The following CFAP47 variants were observed in gnomAD, a reference collection of about 807,000 sequenced individuals.
The protein encoded by CFAP47 is cilia and flagella associated protein 47.
Under a neutral mutation model 148.1 loss-of-function variants are expected in CFAP47, and 29 were observed. That is an observed-to-expected ratio of 0.20 (90% confidence interval 0.15 to 0.27). The LOEUF (loss-of-function observed/expected upper bound fraction) is 0.27. Ranked by LOEUF, CFAP47 falls within the 10% of genes least tolerant of loss-of-function variation. CFAP47 has a pLI of 1.00. For missense variants in CFAP47, 1,872 were observed against 1,697.5 expected, an observed-to-expected ratio of 1.10 and a Z score of -1.81; for synonymous variants, 664 against 577.3, an observed-to-expected ratio of 1.15 and a Z score of -2.15.
intron 40 of CFAP47, among the ~76,000 whole-genome samples, chrX:36,180,501 G>A (rs1435650275): frequency 8.9e-6 from 1 of 112,164 alleles, no homozygotes; most frequent in Non-Finnish European, 1.9e-5. Flanking sequence ...ATCCAAAAAT[G>A]TATCAAGGGG....
chrX:35,936,510 T>G (rs376503478), intron 2 of CFAP47, among the ~76,000 whole-genome samples: 11 of 109,422 alleles, frequency 1.0e-4, no homozygotes, highest in East Asian at 5.8e-4. Flanking sequence ...AGGTTCATCT[T>G]GGTTGACATC....
chrX:36,306,876 G>A lies in CFAP47; in HGVS notation c.8187G>A (p.Gln2729=). The change falls in exon 55 of 64, where the codon CAG becomes CAA. Residue 2729 remains glutamine, a splice_region_variant and synonymous_variant. Transcript: ENST00000378653. ...HQACINFYCT[Q]FTEWKFYLSG... is the part of the protein sequence containing the mutation. ...CTTGCATCAACTTCTACTGTACTCAGGTATGATAGAGTATTCTTGGACCAA... is the reference window on the plus strand; with the variant it reads ...CTTGCATCAACTTCTACTGTACTCAAGTATGATAGAGTATTCTTGGACCAA... 1 of 1,039,232 alleles carries A rather than the reference G, an allele frequency of 9.6e-7. No individual in the cohort carries two copies. The highest frequency in any genetic ancestry group is 1.3e-6 in the Non-Finnish European group (1 of 775,333). The allele number at this position is 1,039,232 out of a possible 1,213,427, so 85.6% of individuals were successfully genotyped here.
chrX:36,114,661 G>A (rs1938609933), intron 33 of CFAP47, among the ~76,000 whole-genome samples: 2 of 111,399 alleles, frequency 1.8e-5, no homozygotes, highest in South Asian at 7.5e-4. Context: ...TCTAACTCTG[G>A]GGAATATGTG....
At chrX:36,253,525 G>C (rs1351021813) in intron 49 of CFAP47, among the ~76,000 whole-genome samples, 2 of 111,487 alleles carry the variant, frequency 1.8e-5, no homozygotes, top group African/African-American at 6.5e-5. Flanking sequence ...TCCTGCTTTT[G>C]CTGGTTAAAG....
intron 50 of CFAP47, among the ~76,000 whole-genome samples, chrX:36,284,886 A>C (rs953154344): frequency 9.0e-6 from 1 of 111,365 alleles, no homozygotes; most frequent in Admixed American, 9.6e-5. Flanking sequence ...AAACAAAAGA[A>C]TATCAAAATG....
chrX:36,028,097 T>A (rs142008049), intron 22 of CFAP47, among the ~76,000 whole-genome samples: 1,841 of 111,557 alleles, frequency 0.017, 35 homozygotes, highest in African/African-American at 0.057. Flanking sequence ...TCCCATTTTG[T>A]ATGTTGTCTG....
At chrX:36,356,267 G>T (rs1941785314) in intron 60 of CFAP47, among the ~76,000 whole-genome samples, 1 of 111,364 alleles carries the variant, frequency 9.0e-6, no homozygotes, top group Middle Eastern at 4.2e-3. Context: ...CTCTAAAACA[G>T]CTTTTGTTTT....
At chrX:36,320,942 G>A (rs1291972633) in intron 57 of CFAP47, among the ~76,000 whole-genome samples, 6 of 110,724 alleles carry the variant, frequency 5.4e-5, no homozygotes, top group Non-Finnish European at 3.8e-5. Flanking sequence ...ATGTAAAGTA[G>A]TACAACTGCT....
At chrX:35,993,772 C>G (rs1412530280) in intron 18 of CFAP47, among the ~76,000 whole-genome samples, 2 of 110,410 alleles carry the variant, frequency 1.8e-5, no homozygotes, top group Non-Finnish European at 3.8e-5. Flanking sequence ...ACCTAGATAG[C>G]CACAGAGAAG....
At chrX:36,214,659 G>T (rs2146891489) in intron 45 of CFAP47, among the ~76,000 whole-genome samples, 1 of 109,212 alleles carries the variant, frequency 9.2e-6, no homozygotes, top group South Asian at 3.9e-4. Flanking sequence ...AAACTTCTTT[G>T]TTAAAAACTA....
chrX:36,378,827 C>T (rs1406808214), intron 62 of CFAP47, among the ~76,000 whole-genome samples: 1 of 108,293 alleles, frequency 9.2e-6, no homozygotes, highest in African/African-American at 3.4e-5. Flanking sequence ...AGACGTGAGC[C>T]ACTGCGCTGT....
At chrX:36,243,589 G>T (rs1461862104) in intron 48 of CFAP47, among the ~76,000 whole-genome samples, 1 of 97,141 alleles carries the variant, frequency 1.0e-5, no homozygotes, top group Non-Finnish European at 2.1e-5. Flanking sequence ...ACAAAAAAAG[G>T]CATTACATTA....
intron 45 of CFAP47, among the ~76,000 whole-genome samples, chrX:36,225,826 T>A (rs1940263950): frequency 1.8e-5 from 2 of 110,927 alleles, no homozygotes; most frequent in African/African-American, 6.5e-5. Flanking sequence ...ATTTAGGGCA[T>A]GTGTTAAGCT....
rs758705369 is a variant in CFAP47 at position 36,138,398 on chromosome X, G to A, written c.5469G>A (p.Glu1823=). ...ACACACGACCAAAAAGTCCTGAAGA[G>A]TATCTGCACAATTGCCTGATTATTG... ...NMYTRPKSPE[E]YLHNCLIIVN... Residue 1823 remains glutamate, a synonymous_variant, in exon 35 of 64, where the codon GAG becomes GAA. Transcript: ENST00000378653. The A allele has an allele frequency of 1.7e-6, 2 of 1,168,637 alleles. No individual in the cohort carries two copies. Among genetic ancestry groups the A allele is most frequent in the East Asian group, 3.2e-5 (1 of 31,372 alleles).
At chrX:36,154,816 G>C (rs1385746295) in intron 37 of CFAP47, among the ~76,000 whole-genome samples, 1 of 104,926 alleles carries the variant, frequency 9.5e-6, no homozygotes, top group Non-Finnish European at 1.9e-5. Context: ...TTTTTTTTCA[G>C]CATGCACCTC....
At chrX:35,952,114 C>A in intron 6 of CFAP47, 151 bp downstream of exon 6, 1 of 525,569 alleles carries the variant, frequency 1.9e-6, no homozygotes, top group Non-Finnish European at 2.8e-6. Flanking sequence ...ATGTTTCTAA[C>A]ATGGTTAGTA....
intron 6 of CFAP47, 58 bp downstream of exon 6, chrX:35,952,021 C>T (rs1732865162): frequency 3.7e-6 from 4 of 1,068,120 alleles, no homozygotes; most frequent in East Asian, 3.5e-5. Flanking sequence ...ATATTAACCA[C>T]ACTTTAATCA....
intron 2 of CFAP47, among the ~76,000 whole-genome samples, chrX:35,937,756 T>G (rs1935939435): frequency 1.1e-5 from 1 of 92,527 alleles, no homozygotes; most frequent in South Asian, 4.5e-4. Flanking sequence ...GACTGGAATG[T>G]GATTAAAAAA....
intron 48 of CFAP47, among the ~76,000 whole-genome samples, chrX:36,243,857 A>C (rs1031081898): frequency 9.2e-6 from 1 of 108,486 alleles, no homozygotes; most frequent in African/African-American, 3.3e-5. Flanking sequence ...TCCTGAACTT[A>C]AACTTCACAC....
Sources: allele counts gnomAD v4.1 joint callset (sites outside exome capture counted in the v4.1 genomes callset), GRCh38; gene constraint gnomAD v4.1.1; transcripts MANE v1.5; gene names NCBI Gene and HGNC (gene_info 2026-07-23, HGNC 2026-07-21).